PCNX2: variants seen among roughly 807,000 people sequenced by gnomAD.
The protein encoded by PCNX2 is pecanex-like protein 2.
In PCNX2, 168 loss-of-function variants were observed where a neutral mutation model predicts 223.8. That is an observed-to-expected ratio of 0.75 (90% CI 0.66 to 0.85). The LOEUF (loss-of-function observed/expected upper bound fraction) is 0.85, where lower values mean the gene tolerates loss of function less well. Ranked by LOEUF, PCNX2 falls within the 40% of genes least tolerant of loss-of-function variation. The probability of loss-of-function intolerance (pLI) is 0.00; values close to 1 mark genes in which losing one functional copy is unlikely to be tolerated. For missense variants in PCNX2, 2,507 were observed against 2,675.5 expected (o/e 0.94, Z 1.39); for synonymous variants, 1,006 against 1,052.6 (o/e 0.96, Z 0.86).
At chr1:233,309,195 G>A in the PCNX2 span, among the ~76,000 whole-genome samples, 2 of 152,180 alleles carry the variant, frequency 1.3e-5, no homozygotes, top group Admixed American at 6.5e-5. Context: ...AAAATTTGAA[G>A]TTATGAATGT....
At chr1:233,202,005 C>A (rs1043488487) in intron 13 of PCNX2, 2 of 329,286 alleles carry the variant, frequency 6.1e-6, no homozygotes, top group African/African-American at 4.5e-5. Context: ...TGCACTAGAT[C>A]CTCTCCAAAA....
chr1:233,274,088 G>C lies in PCNX2; in HGVS notation c.154-10925C>G, dbSNP rs73093211. ...CAACAAAATTTGTCAATGCCCCTTGGGGGGAGTTGTTGCTCCCAATTTAGA... is the reference window on the plus strand; with the variant it reads ...CAACAAAATTTGTCAATGCCCCTTGCGGGGAGTTGTTGCTCCCAATTTAGA... On this transcript the variant is annotated intron_variant, in intron 1 of 33. Transcript: ENST00000258229. Among the ~76,000 whole-genome samples the C allele has an allele frequency of 3.8e-4, 58 of 152,218 alleles. 2 individuals are homozygous for C. In the East Asian group the frequency reaches 0.011, roughly 28 times the overall value.
intron 8 of PCNX2, among the ~76,000 whole-genome samples, chr1:233,240,216 C>T (rs1190016767): frequency 6.6e-6 from 1 of 152,168 alleles, no homozygotes; most frequent in African/African-American, 2.4e-5. Flanking sequence ...ACCAAAGAGA[C>T]GATGATGTCC....
Position 232,991,903 on chromosome 1 carries a change from G to A in PCNX2, c.5792-5363C>T, listed in dbSNP as rs1669712158. ...ACCTGAGCCATGGTACTTTGTCATG[G>A]CAGCCCAAGCAGACTCACACATTCT... is the stretch of plus-strand genomic sequence containing the variant. On this transcript the variant is annotated intron_variant, in intron 32 of 33. Coordinates refer to ENST00000258229, the MANE Select transcript of PCNX2 (RefSeq NM_014801.4). The surrounding 1 kb of genome is among the most constrained non-coding windows in gnomAD (Gnocchi z 4.3). Among the ~76,000 whole-genome samples, 1 of 152,142 alleles carries A rather than the reference G, an allele frequency of 6.6e-6. No homozygotes were observed. Among genetic ancestry groups the A allele is most frequent in the Non-Finnish European group, 1.5e-5 (1 of 68,032 alleles).
At chr1:233,081,925 G>A (rs1455996843) in intron 23 of PCNX2, among the ~76,000 whole-genome samples, 2 of 152,092 alleles carry the variant, frequency 1.3e-5, no homozygotes, top group Non-Finnish European at 2.9e-5. Context: ...GCCACACAGG[G>A]CTCTTGTGAT....
intron 1 of PCNX2, among the ~76,000 whole-genome samples, chr1:233,277,322 C>T (rs538963724): frequency 3.3e-5 from 5 of 152,298 alleles, no homozygotes; most frequent in East Asian, 3.9e-4. Flanking sequence ...GTCTCTCAAG[C>T]GCCATTTTAA....
Position 233,259,300 on chromosome 1 carries a change from T to A in PCNX2, c.562A>T (p.Thr188Ser). The A allele has an allele frequency of 6.2e-7, 1 of 1,613,832 alleles. No individual in the cohort carries two copies. Among genetic ancestry groups the A allele is most frequent in the Non-Finnish European group, 8.5e-7 (1 of 1,179,830 alleles). Residue 188 changes from threonine to serine, a missense_variant, in exon 5 of 34, where the codon ACC becomes TCC. Thr to Ser is a moderately conservative substitution (Grantham distance 58). Coordinates refer to ENST00000258229, the MANE Select transcript of PCNX2 (RefSeq NM_014801.4). ...EDHPIAPVSS[T>S]SPGIKVESLP... ...CTTTCCACTTTGATACCAGGTGAGG[T>A]AGATGACACTGGTGCTATGGGATGG...
At chr1:233,109,625 C>A (rs1674998077) in intron 21 of PCNX2, among the ~76,000 whole-genome samples, 1 of 152,332 alleles carries the variant, frequency 6.6e-6, no homozygotes, top group East Asian at 1.9e-4. Flanking sequence ...ATGGCCCACA[C>A]TGACACACAA....
At chr1:233,027,754 T>C (rs1671132565) in intron 25 of PCNX2, among the ~76,000 whole-genome samples, 1 of 152,154 alleles carries the variant, frequency 6.6e-6, no homozygotes, top group African/African-American at 2.4e-5. Context: ...TCTCTTTCTC[T>C]TCCCCTTCCC....
chr1:233,217,448 A>C lies in PCNX2; in HGVS notation c.2691+451T>G, dbSNP rs565906669. Among the ~76,000 whole-genome samples, 8 of 152,340 alleles carry C rather than the reference A, an allele frequency of 5.3e-5. No individual in the cohort carries two copies. The South Asian group carries it at 1.7e-3, about 32-fold the overall frequency. On this transcript the variant is annotated intron_variant, in intron 12 of 33. Transcript: ENST00000258229. The stretch of plus-strand genomic sequence containing the variant: ...GTGTCAGGTACTGTTATAGCACATT[A>C]AATGGATTATTTAATCCATGTAGGC...
chr1:233,207,540 GACA>G (rs1415259552), intron 13 of PCNX2, among the ~76,000 whole-genome samples: 2 of 152,202 alleles, frequency 1.3e-5, no homozygotes, highest in African/African-American at 2.4e-5. Flanking sequence ...GCATAAAAGG[GACA>G]ACAACAGCTG....
chr1:233,018,803 T>C, intron 26 of PCNX2: 1 of 985,432 alleles, frequency 1.0e-6, no homozygotes, highest in Non-Finnish European at 1.2e-6. Flanking sequence ...CTCACAGTGT[T>C]TGATGCAAGG....
intron 32 of PCNX2, 25 bp downstream of exon 32, chr1:232,998,226 G>T (rs1056083182): frequency 6.6e-7 from 1 of 1,509,786 alleles, no homozygotes; most frequent in Non-Finnish European, 8.8e-7. Context: ...TTCATCGATA[G>T]TTTGGAGGCC....
At chr1:233,049,485 C>T (rs1332492969) in intron 25 of PCNX2, among the ~76,000 whole-genome samples, 3 of 152,014 alleles carry the variant, frequency 2.0e-5, no homozygotes, top group African/African-American at 4.8e-5. Context: ...AAGAATACAC[C>T]TCAAAATAAT....
chr1:233,204,820 T>C (rs1681351412), intron 13 of PCNX2, among the ~76,000 whole-genome samples: 1 of 152,200 alleles, frequency 6.6e-6, no homozygotes, highest in South Asian at 2.1e-4. Flanking sequence ...TTTATCGCCA[T>C]TTTTACTTGT....
intron 23 of PCNX2, among the ~76,000 whole-genome samples, chr1:233,065,959 A>T (rs1198626793): frequency 9.2e-5 from 14 of 152,208 alleles, no homozygotes; most frequent in Admixed American, 9.2e-4. Context: ...CCCCAACTGC[A>T]GTGAGAACTT....
chr1:233,055,008 T>C (rs1474432058), intron 24 of PCNX2, among the ~76,000 whole-genome samples: 1 of 152,210 alleles, frequency 6.6e-6, no homozygotes, highest in Non-Finnish European at 1.5e-5. Context: ...TGTGTTCTGT[T>C]TCACCTTTGA....
chr1:233,117,579 C>T lies in PCNX2; in HGVS notation c.3837+17434G>A, dbSNP rs1338095434. ...TCGCGCCACTGGACTACAGCCTGGG[C>T]GACAGAGTGAGACTCCGTCTAAAGA... On this transcript the variant is annotated intron_variant, in intron 21 of 33. Coordinates refer to ENST00000258229, the MANE Select transcript of PCNX2 (RefSeq NM_014801.4). Among the ~76,000 whole-genome samples, 3 of 145,122 alleles carry T rather than the reference C, an allele frequency of 2.1e-5. No individual in the cohort carries two copies. In the East Asian group the frequency reaches 6.1e-4, roughly 30 times the overall value.
At chr1:233,242,032 G>A (rs573272563) in intron 8 of PCNX2, among the ~76,000 whole-genome samples, 1 of 152,090 alleles carries the variant, frequency 6.6e-6, no homozygotes, top group Non-Finnish European at 1.5e-5. Context: ...ATAAGTAAGA[G>A]GTTTTGTTGA....
Sources: gnomAD v4.1 joint callset for allele counts (sites outside exome capture counted in the v4.1 genomes callset) on GRCh38, gnomAD v4.1.1 for gene constraint, Gnocchi (gnomAD v3.1) non-coding constraint, MANE v1.5 for transcripts, NCBI Gene and HGNC (gene_info 2026-07-23, HGNC 2026-07-21) for gene names.